The following DOCK1 variants were observed in gnomAD, a reference collection of about 807,000 sequenced individuals.
DOCK1 encodes the protein dedicator of cytokinesis protein 1.
In DOCK1, 138 loss-of-function variants were observed where a neutral mutation model predicts 262.7. That is an observed-to-expected ratio of 0.53 (90% CI 0.46 to 0.61). The LOEUF (loss-of-function observed/expected upper bound fraction) is 0.61, where lower values mean the gene tolerates loss of function less well. Ranked by LOEUF, DOCK1 falls within the 20% of genes least tolerant of loss-of-function variation. The pLI, the probability that DOCK1 is intolerant of heterozygous loss-of-function variation, is 0.00. For missense variants in DOCK1, 1,908 were observed against 2,370.7 expected (o/e 0.80, Z 4.05); for synonymous variants, 866 against 867.4 (o/e 1.00, Z 0.03).
intron 40 of DOCK1, among the ~76,000 whole-genome samples, chr10:127,408,537 G>A (rs181608359): frequency 7.9e-5 from 12 of 152,354 alleles, no homozygotes; most frequent in African/African-American, 1.2e-4. Context: ...CCCGGCGGCC[G>A]TGTGCAGGTG....
intron 22 of DOCK1, 91 bp from the exon 23 acceptor site, chr10:127,061,575 ACC>A (rs1159106711): frequency 1.9e-6 from 2 of 1,062,684 alleles, no homozygotes; most frequent in Non-Finnish European, 2.8e-6. Context: ...CTAACTTGTC[ACC>A]CAAGTGATTC....
rs372333699 is a variant in DOCK1, at chr10:127,145,665, C to T, written c.2847+17901C>T. 1.3e-4 allele frequency among the ~76,000 whole-genome samples: 20 copies of T among 152,286 alleles called. No homozygotes were observed. In the East Asian group the frequency reaches 3.9e-3, roughly 30 times the overall value. On this transcript the variant is annotated intron_variant, in intron 27 of 51. Transcript: ENST00000623213. ...AGATGGGAGTGCGTCTGTCTAGAGA[C>T]ATGGGTGACGTCCCGGGCTCCCAGT...
chr10:127,163,480 A>C (rs1304025877), intron 27 of DOCK1, among the ~76,000 whole-genome samples: 1 of 152,134 alleles, frequency 6.6e-6, no homozygotes, highest in African/African-American at 2.4e-5. Flanking sequence ...TCAGGGCCAG[A>C]AGTAGAGTAG....
chr10:127,002,699 C>G (rs1242898662), intron 10 of DOCK1, among the ~76,000 whole-genome samples: 2 of 152,204 alleles, frequency 1.3e-5, no homozygotes, highest in African/African-American at 4.8e-5. Flanking sequence ...GTAGTGTTGG[C>G]TGAGACACTA....
intron 1 of DOCK1, among the ~76,000 whole-genome samples, chr10:126,918,579 G>T (rs2032788111): frequency 6.6e-6 from 1 of 152,194 alleles, no homozygotes; most frequent in Non-Finnish European, 1.5e-5. Context: ...GTAGATCCCG[G>T]TAGCAGGATC....
chr10:127,036,809 A>G (rs551137661), intron 18 of DOCK1, among the ~76,000 whole-genome samples: 6 of 151,906 alleles, frequency 3.9e-5, no homozygotes, highest in African/African-American at 9.7e-5. Context: ...TCCTGTCTCC[A>G]CTAAAACTAC....
chr10:126,913,666 G>A (rs1183702086), intron 1 of DOCK1, among the ~76,000 whole-genome samples: 1 of 152,208 alleles, frequency 6.6e-6, no homozygotes, highest in Non-Finnish European at 1.5e-5. Context: ...CATGCACGTG[G>A]GAAACTGAGT....
chr10:126,951,259 A>G (rs2036200199), intron 1 of DOCK1, among the ~76,000 whole-genome samples: 2 of 146,202 alleles, frequency 1.4e-5, no homozygotes, highest in African/African-American at 2.6e-5. Context: ...TATTAGTGAT[A>G]GTGGTGGTGG....
At chr10:126,943,550 C>T (rs901106573) in intron 1 of DOCK1, among the ~76,000 whole-genome samples, 44 of 152,270 alleles carry the variant, frequency 2.9e-4, no homozygotes, top group African/African-American at 8.7e-4. Context: ...CAGTGGATTT[C>T]GGCTAAATTC....
intron 27 of DOCK1, among the ~76,000 whole-genome samples, chr10:127,187,905 A>G (rs976993777): frequency 5.3e-5 from 8 of 152,212 alleles, no homozygotes; most frequent in Non-Finnish European, 7.3e-5. Flanking sequence ...TATAATTTTA[A>G]TAATGCACAT....
chr10:126,994,474 G>C (rs569720130), intron 6 of DOCK1, among the ~76,000 whole-genome samples: 3 of 152,140 alleles, frequency 2.0e-5, no homozygotes, highest in Non-Finnish European at 2.9e-5. Context: ...GCGGCCTTCC[G>C]CAGTGTTTGT....
In DOCK1 at chr10:127,096,310, A is replaced by G. The variant is rs1564800091; in HGVS notation, c.2446-9921A>G. On this transcript the variant is annotated intron_variant, in intron 23 of 51. Transcript: ENST00000623213. ...CCGCAGAGTGGGTCGAGGGGCACCA[A>G]TTGGCAGAACTGGTCTTGGTGCATT... Among the ~76,000 whole-genome samples the G allele has an allele frequency of 3.3e-5, 5 of 152,082 alleles. No homozygotes were observed. The South Asian group carries it at 6.2e-4, about 19-fold the overall frequency.
At chr10:127,224,208 A>G (rs140584967) in intron 27 of DOCK1, among the ~76,000 whole-genome samples, 3 of 152,302 alleles carry the variant, frequency 2.0e-5, no homozygotes, top group African/African-American at 7.2e-5. Context: ...TTCTGATTTA[A>G]TTATATCCAG....
In DOCK1 at chr10:127,418,353, C is replaced by G; in HGVS notation, c.4516-12C>G. On this transcript the variant is annotated splice_polypyrimidine_tract_variant and intron_variant, in intron 44 of 51. Coordinates refer to ENST00000623213, the MANE Select transcript of DOCK1 (RefSeq NM_001290223.2). The stretch of plus-strand genomic sequence containing the variant: ...TGTGGGGCTGACATCGGGCTCTCCT[C>G]TCTCTTTGCAGGTGGAAATCAGCCC... 3.1e-6 allele frequency: 5 copies of G among 1,600,100 alleles called. No homozygotes were observed. Among genetic ancestry groups the G allele is most frequent in the Non-Finnish European group, 4.3e-6 (5 of 1,171,760 alleles).
At chr10:127,275,989 T>C (rs1318399140) in intron 29 of DOCK1, among the ~76,000 whole-genome samples, 1 of 152,252 alleles carries the variant, frequency 6.6e-6, no homozygotes, top group African/African-American at 2.4e-5. Flanking sequence ...TGCTGCCTTA[T>C]TACGTAATGC....
intron 29 of DOCK1, among the ~76,000 whole-genome samples, chr10:127,308,345 C>T (rs1463192645): frequency 6.6e-6 from 1 of 152,212 alleles, no homozygotes; most frequent in Non-Finnish European, 1.5e-5. Context: ...CTTGTTTGGA[C>T]TCAGTGTAGG....
At chr10:127,163,443 CG>C (rs1250656439) in intron 27 of DOCK1, among the ~76,000 whole-genome samples, 2 of 152,084 alleles carry the variant, frequency 1.3e-5, no homozygotes, top group Non-Finnish European at 2.9e-5. Flanking sequence ...TGTCTGTTCC[CG>C]GGCGGGCAAA....
chr10:127,442,284 A>G (rs1440710974), intron 49 of DOCK1, among the ~76,000 whole-genome samples: 2 of 152,068 alleles, frequency 1.3e-5, no homozygotes, highest in South Asian at 2.1e-4. Context: ...CAGACATTGA[A>G]GCCTATGTGC....
intron 38 of DOCK1, among the ~76,000 whole-genome samples, chr10:127,387,236 C>G (rs1435014269): frequency 6.6e-6 from 1 of 152,246 alleles, no homozygotes; most frequent in Non-Finnish European, 1.5e-5. Context: ...TCCAGCCACA[C>G]TGGCCCTTCT....
Sources: allele counts gnomAD v4.1 joint callset (sites outside exome capture counted in the v4.1 genomes callset), GRCh38; gene constraint gnomAD v4.1.1; transcripts MANE v1.5; gene names NCBI Gene and HGNC (gene_info 2026-07-23, HGNC 2026-07-21).